Variants in ANXA6 observed in about 807,000 individuals in gnomAD.
The protein encoded by ANXA6 is annexin A6.
ANXA6 carries 71 observed loss-of-function variants against 95.4 expected under a neutral mutation model. The ratio of observed to expected loss-of-function variants is 0.74; its 90% CI spans 0.61 to 0.91. The LOEUF (loss-of-function observed/expected upper bound fraction) is 0.91, where lower values mean the gene tolerates loss of function less well. Ranked by LOEUF, ANXA6 falls within the 40% of genes least tolerant of loss-of-function variation. The pLI, the probability that ANXA6 is intolerant of heterozygous loss-of-function variation, is 0.00. For synonymous variants in ANXA6, 289 were observed against 315.9 expected (o/e 0.91, Z 0.90); for missense variants, 830 against 876.4 (o/e 0.95, Z 0.67).
At chr5:151,157,218 G>A (rs1766260161) in intron 1 of ANXA6, among the ~76,000 whole-genome samples, 1 of 152,128 alleles carries the variant, frequency 6.6e-6, no homozygotes, top group African/African-American at 2.4e-5. Flanking sequence ...CCACACACAA[G>A]CCATTTTATA....
At chr5:151,120,162 C>T (rs1027612061) in intron 17 of ANXA6, among the ~76,000 whole-genome samples, 12 of 152,098 alleles carry the variant, frequency 7.9e-5, no homozygotes, top group Non-Finnish European at 1.8e-4. Flanking sequence ...GGCTGGCTTA[C>T]ATTTGTTTAC....
At chr5:151,128,278 C>G (rs1422519961) in intron 12 of ANXA6, 39 bp from the exon 13 acceptor site, 4 of 1,553,828 alleles carry the variant, frequency 2.6e-6, no homozygotes, top group Non-Finnish European at 3.5e-6. Flanking sequence ...TCACCCAGCC[C>G]TGGGCTCCTC....
intron 1 of ANXA6, among the ~76,000 whole-genome samples, chr5:151,150,314 G>C (rs1173364417): frequency 6.6e-6 from 1 of 152,150 alleles, no homozygotes; most frequent in Non-Finnish European, 1.5e-5. Flanking sequence ...TCATTTTTGA[G>C]TTCAAGGTGA....
chr5:151,117,061 G>A (rs935087305), intron 20 of ANXA6, 66 bp downstream of exon 20: 28 of 1,442,126 alleles, frequency 1.9e-5, no homozygotes, highest in Middle Eastern at 3.7e-4. Context: ...GCGTAGACAC[G>A]CATAAGCTGG....
chr5:151,134,996 C>G (rs1483257016), intron 7 of ANXA6, among the ~76,000 whole-genome samples: 1 of 152,214 alleles, frequency 6.6e-6, no homozygotes, highest in African/African-American at 2.4e-5. Context: ...GTCACCAAAT[C>G]CTAATGGTGC....
chr5:151,117,173 C>G lies in ANXA6; in HGVS notation c.1526G>C (p.Arg509Pro). The change falls in exon 20 of 26, where the codon CGT (arginine) becomes CCT (proline). Residue 509 changes from arginine (R) to proline (P), a missense_variant. By Grantham distance (103) the Arg-to-Pro change is moderately radical. Transcript: ENST00000354546. ...RILISLATGH[R>P]EEGGENLDQA... ...GTCCAGGTTTTCTCCTCCCTCCTCA[C>G]GATGCCCCTGCAGCAGGAGCAGCAA... 1.3e-6 allele frequency: 2 copies of G among 1,591,416 alleles called. No individual in the cohort carries two copies. The highest frequency in any genetic ancestry group is 1.7e-6 in the Non-Finnish European group (2 of 1,166,884).
rs148789242 is a variant in ANXA6, at chr5:151,112,603, G to A, written c.1573-1959C>T. ...TCCCAGGACATTGGGAAGCCAAGGT[G>A]GGAGGATCACTTGAGCCTATGAGTT... On this transcript the variant is annotated intron_variant, in intron 20 of 25. Coordinates refer to ENST00000354546, the MANE Select transcript of ANXA6 (RefSeq NM_001155.5). Among the ~76,000 whole-genome samples the A allele has an allele frequency of 1.1e-4, 16 of 152,358 alleles. No homozygotes were observed. In the East Asian group the frequency reaches 2.9e-3, roughly 28 times the overall value.
Position 151,137,241 on chromosome 5 carries a change from T to C in ANXA6, c.399A>G (p.Ala133=), listed in dbSNP as rs776287534. Residue 133 remains alanine (A), a synonymous_variant, in exon 6 of 26, where the codon GCA becomes GCG. Coordinates refer to ENST00000354546, the MANE Select transcript of ANXA6 (RefSeq NM_001155.5). ...TCCTGCCCATCTCACCATCTTTGTA[T>C]GCTGCCACCAGCTGGTGCATCTGCT... is the stretch of plus-strand genomic sequence containing the variant. ...TNEQMHQLVA[A]YKDAYERDLE... The C allele has an allele frequency of 2.5e-6, 4 of 1,613,610 alleles. 1 individual carries two copies. In the South Asian group the frequency reaches 3.3e-5, roughly 13 times the overall value.
At chr5:151,138,292 C>A (rs144075047) in intron 5 of ANXA6, among the ~76,000 whole-genome samples, 1 of 152,302 alleles carries the variant, frequency 6.6e-6, no homozygotes, top group East Asian at 1.9e-4. Context: ...TGCTATCCAC[C>A]AAATCCTCTC....
chr5:151,145,732 G>A (rs1445520495), intron 2 of ANXA6, among the ~76,000 whole-genome samples: 3 of 152,184 alleles, frequency 2.0e-5, no homozygotes, highest in Non-Finnish European at 4.4e-5. Context: ...CTCAACGGCA[G>A]GGAGGCTTTT....
chr5:151,139,370 T>G lies in ANXA6; in HGVS notation c.187A>C (p.Lys63Gln). 1.2e-6 allele frequency: 2 copies of G among 1,612,352 alleles called. No individual in the cohort carries two copies. The highest frequency in any genetic ancestry group is 1.7e-6 in the Non-Finnish European group (2 of 1,178,958). The change falls in exon 4 of 26, where the codon AAG (lysine) becomes CAG (glutamine). Residue 63 changes from lysine (K) to glutamine (Q), a missense_variant. Lys to Gln is a moderately conservative substitution (Grantham distance 53). Transcript: ENST00000354546. The part of the protein sequence containing the change: ...RQRQEVCQSY[K>Q]SLYGKDLIAD... ...GTGGTTACCTTGCCGTAGAGGGACTTGTAGCTCTGGCAGACCTCCTGCCTC... is the reference window on the plus strand; with the variant it reads ...GTGGTTACCTTGCCGTAGAGGGACTGGTAGCTCTGGCAGACCTCCTGCCTC...
chr5:151,143,288 C>T (rs1765885892), intron 2 of ANXA6, among the ~76,000 whole-genome samples: 1 of 152,186 alleles, frequency 6.6e-6, no homozygotes, highest in Non-Finnish European at 1.5e-5. Flanking sequence ...TAGCCCACTG[C>T]TTCCTCCTGG....
Position 151,122,290 on chromosome 5 carries a change from A to G in ANXA6, c.1234-30T>C, listed in dbSNP as rs201263857. The G allele has an allele frequency of 1.1e-3, 1,559 of 1,374,594 alleles. 3 individuals carry two copies. Among genetic ancestry groups the G allele is most frequent in the Non-Finnish European group, 1.2e-3 (1,220 of 982,504 alleles). 85.1% of individuals were successfully genotyped at this position (1,374,594 alleles called of 1,614,324 possible). ...AAAGGGCAGAGCCACAGTCATGCCA[A>G]CATCAGCACTTGCCCACACATGACT... On this transcript the variant is annotated intron_variant, in intron 16 of 25. Transcript: ENST00000354546.
At position 151,121,417 on chromosome 5, in the gene ANXA6, T is replaced by G. The variant is rs555354955; in HGVS notation, c.1347+730A>C. 4.6e-5 allele frequency among the ~76,000 whole-genome samples: 7 copies of G among 152,298 alleles called. No individual in the cohort carries two copies. In the South Asian group the frequency reaches 1.5e-3, roughly 32 times the overall value. On this transcript the variant is annotated intron_variant, in intron 17 of 25. Transcript: ENST00000354546. ...TATAAACAGTAGCCATTAGTACAATTGGTACCTTGGGAAGCAAAGCAGTTC... is the reference window on the plus strand; with the variant it reads ...TATAAACAGTAGCCATTAGTACAATGGGTACCTTGGGAAGCAAAGCAGTTC...
chr5:151,134,633 T>C (rs1582006068), intron 7 of ANXA6, 150 bp from the exon 8 acceptor site: 3 of 787,428 alleles, frequency 3.8e-6, no homozygotes, highest in South Asian at 1.5e-5. Context: ...AAGACCACAG[T>C]ATCTATTTTG....
At chr5:151,120,492 A>C (rs570758396) in intron 17 of ANXA6, among the ~76,000 whole-genome samples, 1 of 151,880 alleles carries the variant, frequency 6.6e-6, no homozygotes, top group Non-Finnish European at 1.5e-5. Context: ...TGAAGAGGGC[A>C]GATCACTTGA....
chr5:151,135,526 C>A (rs1478160686), intron 7 of ANXA6, among the ~76,000 whole-genome samples: 1 of 152,172 alleles, frequency 6.6e-6, no homozygotes, highest in Non-Finnish European at 1.5e-5. Context: ...AGTTTCATAA[C>A]CATTTGGTCC....
rs1764608515 is a variant in ANXA6 at position 151,103,578 on chromosome 5, C to T, written c.1954G>A (p.Ala652Thr). 1.2e-6 allele frequency: 2 copies of T among 1,612,702 alleles called. No homozygotes were observed. The highest frequency in any genetic ancestry group is 2.2e-5 in the South Asian group (2 of 90,772). ...IEKYDKSLHQ[A>T]IEGDTSGDFL... ...CTAGCCCCTCCCCTTACCTCAATGG[C>T]TTGGTGGAGAGACTTGTCATATTTC... is the stretch of plus-strand genomic sequence containing the variant. Residue 652 changes from alanine (A) to threonine (T), a missense_variant, in exon 25 of 26, where the codon GCC (alanine) becomes ACC (threonine). Physicochemically the swap from Ala to Thr is moderately conservative, Grantham distance 58. Transcript: ENST00000354546.
chr5:151,122,263 G>A lies in ANXA6; in HGVS notation c.1234-3C>T. On this transcript the variant is annotated splice_polypyrimidine_tract_variant and splice_region_variant and intron_variant, in intron 16 of 25. Transcript: ENST00000354546. Reference sequence around the variant, plus strand: ...GACTTCAGGTCAGTCATTAAGTCCTGCAAAGGGCAGAGCCACAGTCATGCC... The same window carrying A: ...GACTTCAGGTCAGTCATTAAGTCCTACAAAGGGCAGAGCCACAGTCATGCC... 6.3e-7 allele frequency: 1 copy of A among 1,581,638 alleles called. No individual in the cohort carries two copies. The highest frequency in any genetic ancestry group is 8.6e-7 in the Non-Finnish European group (1 of 1,157,506).
Sources: allele counts gnomAD v4.1 joint callset (sites outside exome capture counted in the v4.1 genomes callset), GRCh38; gene constraint gnomAD v4.1.1; transcripts MANE v1.5; gene names NCBI Gene and HGNC (gene_info 2026-07-23, HGNC 2026-07-21).